The following NEURL1 variants were observed in gnomAD, a reference collection of about 807,000 sequenced individuals.
NEURL1 encodes the protein E3 ubiquitin-protein ligase NEURL1.
A neutral mutation model predicts 41.2 loss-of-function variants in NEURL1; 26 were observed. That is an observed-to-expected ratio of 0.63 (90% CI 0.46 to 0.87). The LOEUF (loss-of-function observed/expected upper bound fraction) is 0.87, where lower values mean the gene tolerates loss of function less well. Ranked by LOEUF, NEURL1 falls within the 40% of genes least tolerant of loss-of-function variation. The pLI is 0.00. For missense variants in NEURL1, 761 were observed against 871.1 expected, an observed-to-expected ratio of 0.87 and a Z score of 1.59; for synonymous variants, 400 against 402.3, an observed-to-expected ratio of 0.99 and a Z score of 0.07.
At chr10:103,516,342 A>G in intron 1 of NEURL1, among the ~76,000 whole-genome samples, 1 of 151,254 alleles carries the variant, frequency 6.6e-6, no homozygotes, top group Non-Finnish European at 1.5e-5. Context: ...TCCTGGTGCC[A>G]GGTTTTCAGG....
At chr10:103,505,375 C>A (rs2033924510) in intron 1 of NEURL1, among the ~76,000 whole-genome samples, 1 of 152,060 alleles carries the variant, frequency 6.6e-6, no homozygotes, top group South Asian at 2.1e-4. Context: ...AGGCACCTAC[C>A]ACCACACCTG....
At chr10:103,559,217 C>T (rs1192398829) in intron 1 of NEURL1, among the ~76,000 whole-genome samples, 1 of 152,168 alleles carries the variant, frequency 6.6e-6, no homozygotes, top group Non-Finnish European at 1.5e-5. Flanking sequence ...ACCTATCTCC[C>T]GGCAGCAGCT....
At chr10:103,555,356 T>A in intron 1 of NEURL1, 1 of 1,347,178 alleles carries the variant, frequency 7.4e-7, no homozygotes, top group Non-Finnish European at 9.9e-7. Flanking sequence ...CCAGCAGAGG[T>A]GGCTGCACTG....
At chr10:103,588,760 A>G (rs1044527337) in intron 4 of NEURL1, 38 of 416,860 alleles carry the variant, frequency 9.1e-5, no homozygotes, top group African/African-American at 7.7e-4. Context: ...CTTGGCCAAC[A>G]TGGTGAAACC....
intron 3 of NEURL1, among the ~76,000 whole-genome samples, chr10:103,580,775 A>G (rs2035769028): frequency 6.6e-6 from 1 of 152,152 alleles, no homozygotes; most frequent in South Asian, 2.1e-4. Context: ...GCTGTTTCCC[A>G]GCAGCTTTTG....
rs936543173 is a variant in NEURL1, at chr10:103,508,955, G to T, written c.85+14483G>T. On this transcript the variant is annotated intron_variant, in intron 1 of 5. Coordinates refer to ENST00000369780, the MANE Select transcript of NEURL1 (RefSeq NM_004210.5). This position sits in a 1 kb window ranked among gnomAD's most constrained non-coding sequence, Gnocchi z 4.3. ...CTCATGTCTGTAATCCCAGCACTTT[G>T]GGTGGCTTTGGCTTAGCTTCACCTC... Among the ~76,000 whole-genome samples the T allele has an allele frequency of 3.3e-5, 5 of 152,216 alleles. No individual in the cohort carries two copies. Among genetic ancestry groups the T allele is most frequent in the African/African-American group, 1.2e-4 (5 of 41,464 alleles).
intron 1 of NEURL1, among the ~76,000 whole-genome samples, chr10:103,497,456 C>T (rs1240153430): frequency 6.6e-6 from 1 of 152,150 alleles, no homozygotes; most frequent in Non-Finnish European, 1.5e-5. Context: ...ATTTCAGTCT[C>T]TTGATTCCTC....
At chr10:103,535,199 G>T (rs1235146220) in intron 1 of NEURL1, among the ~76,000 whole-genome samples, 3 of 152,130 alleles carry the variant, frequency 2.0e-5, no homozygotes, top group Non-Finnish European at 4.4e-5. Context: ...GCTGTTGTTT[G>T]GGCACTGAGG....
chr10:103,549,316 G>C (rs1564817822), intron 1 of NEURL1, among the ~76,000 whole-genome samples: 1 of 152,212 alleles, frequency 6.6e-6, no homozygotes, highest in East Asian at 1.9e-4. Context: ...GCTGGCAGCT[G>C]TCACGGCTGG....
In NEURL1 at chr10:103,590,028, T is replaced by A. The variant is rs141805584; in HGVS notation, c.1487-106T>A. The A allele has an allele frequency of 2.8e-4, 322 of 1,143,640 alleles. 3 individuals are homozygous for A. In the East Asian group the frequency reaches 7.2e-3, roughly 26 times the overall value. The allele number at this position is 1,143,640 out of a possible 1,614,324, so 70.8% of individuals were successfully genotyped here. A position where few individuals can be genotyped will look rare whatever the true frequency, so the allele number is the denominator to read the frequency against. On this transcript the variant is annotated intron_variant, in intron 5 of 5. Transcript: ENST00000369780. ...TGGGTTGTCAGGGTGAACAGGCAGA[T>A]CCTGATAAATGGAGGGGGACACAAG...
At chr10:103,555,537 T>G in intron 1 of NEURL1, 1 of 787,478 alleles carries the variant, frequency 1.3e-6, no homozygotes, top group Non-Finnish European at 1.7e-6. Context: ...CATGGAGGGG[T>G]CTGGGGCTGT....
intron 1 of NEURL1, among the ~76,000 whole-genome samples, chr10:103,518,202 C>T (rs1321919478): frequency 6.6e-6 from 1 of 151,856 alleles, no homozygotes; most frequent in Non-Finnish European, 1.5e-5. Context: ...GAATACCTTG[C>T]AGCTTTACAC....
At chr10:103,563,457 G>A (rs541968312) in intron 1 of NEURL1, among the ~76,000 whole-genome samples, 37 of 152,178 alleles carry the variant, frequency 2.4e-4, no homozygotes, top group African/African-American at 5.5e-4. Flanking sequence ...TCGCCCCACC[G>A]CCCAGAAAGT....
chr10:103,564,301 C>G (rs145220777), intron 1 of NEURL1, among the ~76,000 whole-genome samples: 1 of 152,192 alleles, frequency 6.6e-6, no homozygotes, highest in Non-Finnish European at 1.5e-5. Context: ...AGGGTGCCCC[C>G]ACTGGGGCTC....
chr10:103,515,495 T>C lies in NEURL1; in HGVS notation c.85+21023T>C, dbSNP rs1396484564. On this transcript the variant is annotated intron_variant, in intron 1 of 5. Coordinates refer to ENST00000369780, the MANE Select transcript of NEURL1 (RefSeq NM_004210.5). ...CTGGGGAAATTAGGGTAGGAGATGC[T>C]GCATTGTTTACTATGAAAATTCCAG... 3 of 152,388 alleles carry C rather than the reference T, an allele frequency of 2.0e-5. No homozygotes were observed. In the East Asian group the frequency reaches 5.8e-4, roughly 29 times the overall value. The allele number at this position is 152,388 out of a possible 1,614,324, so 9.4% of individuals were successfully genotyped here.
At chr10:103,582,388 C>CA (rs1450674957) in intron 3 of NEURL1, among the ~76,000 whole-genome samples, 2 of 152,212 alleles carry the variant, frequency 1.3e-5, no homozygotes, top group Admixed American at 1.3e-4. Flanking sequence ...TGCAGCCCCC[C>CA]AGCCTCTATG....
In NEURL1 at chr10:103,584,712, A is replaced by G. The variant is rs777921959; in HGVS notation, c.826A>G (p.Asn276Asp). ...APAAGCPIPQ[N>D]SLNSQHSRAL... Reference sequence around the variant, plus strand: ...GGCCGCCGGCTGCCCCATCCCGCAGAACTCACTCAACTCGCAGCACAGCCG... The same window carrying G: ...GGCCGCCGGCTGCCCCATCCCGCAGGACTCACTCAACTCGCAGCACAGCCG... The change falls in exon 4 of 6, where the codon AAC becomes GAC. Residue 276 changes from asparagine (N) to aspartate (D), a missense_variant. By Grantham distance (23) the Asn-to-Asp change is conservative (BLOSUM62 1). Coordinates refer to ENST00000369780, the MANE Select transcript of NEURL1 (RefSeq NM_004210.5). 1 of 1,466,742 alleles carries G rather than the reference A, an allele frequency of 6.8e-7. No homozygotes were observed. The highest frequency in any genetic ancestry group is 9.0e-7 in the Non-Finnish European group (1 of 1,115,092). 90.9% of individuals were successfully genotyped at this position (1,466,742 alleles called of 1,614,324 possible).
At chr10:103,569,772 C>T (rs1284485459) in intron 1 of NEURL1, among the ~76,000 whole-genome samples, 2 of 152,192 alleles carry the variant, frequency 1.3e-5, no homozygotes, top group Admixed American at 6.5e-5. Context: ...CCTCCTCATG[C>T]CACCCTCTCC....
At position 103,590,664 on chromosome 10, in the gene NEURL1, C is replaced by T. The variant is rs1249317650; in HGVS notation, c.*292C>T. The T allele has an allele frequency of 2.2e-6, 1 of 454,486 alleles. No individual in the cohort carries two copies. The highest frequency in any genetic ancestry group is 2.0e-5 in the African/African-American group (1 of 50,818). The allele number at this position is 454,486 out of a possible 1,614,324, so 28.2% of individuals were successfully genotyped here. ...TGCATGCTGAGGGCTAAATTGGGATCTCAGCCTGCCCTAATCTTTCCCCAT... is the reference window on the plus strand; with the variant it reads ...TGCATGCTGAGGGCTAAATTGGGATTTCAGCCTGCCCTAATCTTTCCCCAT... On this transcript the variant is annotated 3_prime_UTR_variant, in exon 6 of 6. Coordinates refer to ENST00000369780, the MANE Select transcript of NEURL1 (RefSeq NM_004210.5).
Sources: gnomAD v4.1 joint callset for allele counts (sites outside exome capture counted in the v4.1 genomes callset) on GRCh38, gnomAD v4.1.1 for gene constraint, Gnocchi (gnomAD v3.1) non-coding constraint, MANE v1.5 for transcripts, NCBI Gene and HGNC (gene_info 2026-07-23, HGNC 2026-07-21) for gene names.